NCF4: variants seen among roughly 807,000 people sequenced by gnomAD.
NCF4 encodes neutrophil cytosolic factor 4.
In NCF4, 30 loss-of-function variants were observed where a neutral mutation model predicts 41.7. The observed-to-expected ratio is 0.72, with a 90% CI of 0.54 to 0.97. The LOEUF is 0.97. Ranked by LOEUF, NCF4 falls within the 50% of genes least tolerant of loss-of-function variation. The pLI is 0.00. For synonymous variants in NCF4, 195 were observed against 175.8 expected (o/e 1.11, Z -0.87); for missense variants, 432 against 460.9 (o/e 0.94, Z 0.57).
Position 36,874,588 on chromosome 22 carries a change from A to C in NCF4, c.628-1065A>C, listed in dbSNP as rs542518682. Reference sequence around the variant, plus strand: ...CATGTATTGCCTTCCTGTTTTCCGGAAAGTCCTACTTATCAGTATGCTGGC... The same window carrying C: ...CATGTATTGCCTTCCTGTTTTCCGGCAAGTCCTACTTATCAGTATGCTGGC... On this transcript the variant is annotated intron_variant, in intron 7 of 9. Coordinates refer to ENST00000248899, the MANE Select transcript of NCF4 (RefSeq NM_000631.5). 2.6e-5 allele frequency among the ~76,000 whole-genome samples: 4 copies of C among 152,318 alleles called. No individual in the cohort carries two copies. The East Asian group carries it at 7.7e-4, about 29-fold the overall frequency.
At position 36,877,763 on chromosome 22, in the gene NCF4, C is replaced by T. The variant is rs1858; in HGVS notation, c.960C>T (p.Phe320=). The T allele has an allele frequency of 9.3e-3, 15,075 of 1,614,018 alleles. 538 individuals carry two copies. The African/African-American group carries it at 0.1, about 11-fold the overall frequency. ...ARGLPSQKRL[F]PWKLHITQKD... ...GCCTCCCCTCCCAGAAGCGCCTCTT[C>T]CCCTGGAAGCTGCACATCACGCAGA... Residue 320 remains phenylalanine, a synonymous_variant, in exon 10 of 10, where the codon TTC becomes TTT. Coordinates refer to ENST00000248899, the MANE Select transcript of NCF4 (RefSeq NM_000631.5).
chr22:36,874,111 C>T lies in NCF4; in HGVS notation c.628-1542C>T, dbSNP rs528522207. On this transcript the variant is annotated intron_variant, in intron 7 of 9. Coordinates refer to ENST00000248899, the MANE Select transcript of NCF4 (RefSeq NM_000631.5). ...GGGCTCGCCCCAGAGCCTGGGTGTGCGGCGCCTGGCCAGGTACTAGGGTCA... is the reference window on the plus strand; with the variant it reads ...GGGCTCGCCCCAGAGCCTGGGTGTGTGGCGCCTGGCCAGGTACTAGGGTCA... Among the ~76,000 whole-genome samples, 11 of 152,300 alleles carry T rather than the reference C, an allele frequency of 7.2e-5. No individual in the cohort carries two copies. In the South Asian group the frequency reaches 1.0e-3, roughly 14 times the overall value.
chr22:36,871,300 T>C (rs1307947419), intron 5 of NCF4, among the ~76,000 whole-genome samples: 1 of 152,188 alleles, frequency 6.6e-6, no homozygotes. Flanking sequence ...GCTGAAAAAT[T>C]AGAAACAGTC....
At chr22:36,876,191 C>A (rs894777593) in intron 9 of NCF4, 97 bp downstream of exon 9, 2 of 1,241,860 alleles carry the variant, frequency 1.6e-6, no homozygotes, top group Non-Finnish European at 2.2e-6. Flanking sequence ...TGGGGTTTTG[C>A]GTGTACTTTG....
At chr22:36,872,210 T>A (rs1328319067) in intron 6 of NCF4, 117 bp from the exon 7 acceptor site, 7 of 885,234 alleles carry the variant, frequency 7.9e-6, no homozygotes, top group Non-Finnish European at 1.1e-5. Context: ...AGTCGCTTAT[T>A]CTCCCCAAGC....
rs931709520 is a variant in NCF4, at chr22:36,865,297, C to G, written c.271+225C>G. Among the ~76,000 whole-genome samples, 2 of 152,264 alleles carry G rather than the reference C, an allele frequency of 1.3e-5. No homozygotes were observed. The highest frequency in any genetic ancestry group is 3.9e-4 in the East Asian group (2 of 5,172). On this transcript the variant is annotated intron_variant, in intron 3 of 9. Transcript: ENST00000248899. The surrounding 1 kb of genome is among the most constrained non-coding windows in gnomAD (Gnocchi z 4.3). ...GCACTCTAGCCTCACAGCCCCGGAG[C>G]TCTGATGACCATCGTGGCCACTCGC...
intron 1 of NCF4, among the ~76,000 whole-genome samples, chr22:36,863,515 C>T (rs890502739): frequency 3.3e-5 from 5 of 149,664 alleles, no homozygotes; most frequent in South Asian, 2.1e-4. Flanking sequence ...ACCTCGTGAG[C>T]GGGCCCTGCC....
intron 7 of NCF4, among the ~76,000 whole-genome samples, chr22:36,874,906 T>C (rs1261734848): frequency 6.6e-6 from 1 of 152,224 alleles, no homozygotes; most frequent in Admixed American, 6.5e-5. Flanking sequence ...CCTGTTCTAT[T>C]TTCCTCTGTA....
At chr22:36,872,944 GA>G (rs1940107688) in intron 7 of NCF4, among the ~76,000 whole-genome samples, 1 of 111,326 alleles carries the variant, frequency 9.0e-6, no homozygotes, top group African/African-American at 3.9e-5. Context: ...GGATGGAGGT[GA>G]GATTGGAGGT....
intron 1 of NCF4, 120 bp from the exon 2 acceptor site, chr22:36,863,925 G>A: frequency 1.1e-6 from 1 of 939,310 alleles, no homozygotes; most frequent in South Asian, 1.3e-5. Flanking sequence ...GGGAAGGGGT[G>A]CTGAGAGACG....
chr22:36,872,846 G>A (rs1158523793), intron 7 of NCF4, among the ~76,000 whole-genome samples: 10 of 139,110 alleles, frequency 7.2e-5, no homozygotes, highest in Non-Finnish European at 1.4e-4. Context: ...AAGGGTGGAC[G>A]TGAGGATGGG....
intron 1 of NCF4, among the ~76,000 whole-genome samples, chr22:36,862,924 C>T (rs1013964546): frequency 6.6e-6 from 1 of 152,128 alleles, no homozygotes. Context: ...CTCGGCCTCC[C>T]CCAGGGCAGG....
intron 6 of NCF4, 178 bp from the exon 7 acceptor site, chr22:36,872,149 C>T (rs991106423): frequency 1.4e-6 from 1 of 719,300 alleles, no homozygotes; most frequent in East Asian, 2.7e-5. Context: ...GTCAGGGAGA[C>T]CTGGGTTCAA....
Position 36,864,143 on chromosome 22 carries a change from CTA to C in NCF4, c.117+15_117+16del. 1 of 1,603,206 alleles carries C rather than the reference CTA, an allele frequency of 6.2e-7. No individual in the cohort carries two copies. The highest frequency in any genetic ancestry group is 8.5e-7 in the Non-Finnish European group (1 of 1,170,280). On this transcript the variant is annotated intron_variant, in intron 2 of 9. Coordinates refer to ENST00000248899, the MANE Select transcript of NCF4 (RefSeq NM_000631.5). ...ACCAGCCACTTTGTAAGACAGACTC[CTA>C]GTCCTTCACCCAACAACCTCTGAAC...
chr22:36,872,419 G>T lies in NCF4; in HGVS notation c.621G>T (p.Trp207Cys), dbSNP rs748453334. 15 of 1,605,226 alleles carry T rather than the reference G, an allele frequency of 9.3e-6. No individual in the cohort carries two copies. The East Asian group carries it at 3.1e-4, about 33-fold the overall frequency. The change falls in exon 7 of 10, where the codon TGG becomes TGT. Residue 207 changes from tryptophan (W) to cysteine (C), a missense_variant. Physicochemically the swap from Trp to Cys is radical, Grantham distance 215. Coordinates refer to ENST00000248899, the MANE Select transcript of NCF4 (RefSeq NM_000631.5). ...TCCTCAGTCGGATCAACAAAGACTG[G>T]CTGGAGGTGAGTTCAGAAGTGAGGA... The part of the protein sequence containing the change: ...IFLLSRINKD[W>C]LEGTVRGATG...
chr22:36,867,954 C>T (rs1244446457), intron 4 of NCF4, among the ~76,000 whole-genome samples: 2 of 152,202 alleles, frequency 1.3e-5, no homozygotes, highest in Non-Finnish European at 1.5e-5. Context: ...CACTCCCTTA[C>T]GTGAACATGG....
intron 9 of NCF4, among the ~76,000 whole-genome samples, chr22:36,877,289 A>G (rs1330912340): frequency 6.6e-6 from 1 of 151,856 alleles, no homozygotes; most frequent in African/African-American, 2.4e-5. Context: ...GGTGCATACT[A>G]CCTCGCCCAG....
chr22:36,865,975 G>T lies in NCF4; in HGVS notation c.271+903G>T, dbSNP rs1240631165. On this transcript the variant is annotated intron_variant, in intron 3 of 9. Coordinates refer to ENST00000248899, the MANE Select transcript of NCF4 (RefSeq NM_000631.5). The surrounding 1 kb of genome is among the most constrained non-coding windows in gnomAD (Gnocchi z 4.3). ...TCATTTTCCCTCCTCTCTCTTTTGG[G>T]GCTCTCTCCTGACAATCTACCCCTC... Among the ~76,000 whole-genome samples, 1 of 151,832 alleles carries T rather than the reference G, an allele frequency of 6.6e-6. No homozygotes were observed. The highest frequency in any genetic ancestry group is 2.4e-5 in the African/African-American group (1 of 41,296).
At chr22:36,876,520 G>A (rs568466591) in intron 9 of NCF4, among the ~76,000 whole-genome samples, 1 of 152,278 alleles carries the variant, frequency 6.6e-6, no homozygotes, top group South Asian at 2.1e-4. Context: ...AGAAATGTCA[G>A]TAACCATGTC....
Sources: allele counts gnomAD v4.1 joint callset (sites outside exome capture counted in the v4.1 genomes callset), GRCh38; gene constraint gnomAD v4.1.1; non-coding constraint Gnocchi (gnomAD v3.1); transcripts MANE v1.5; gene names NCBI Gene and HGNC (gene_info 2026-07-23, HGNC 2026-07-21).